The following LHFPL6 variants were observed in gnomAD, a reference collection of about 807,000 sequenced individuals.
LHFPL6 encodes the protein LHFPL tetraspan subfamily member 6.
A neutral mutation model predicts 20.6 loss-of-function variants in LHFPL6; 9 were observed. That is an observed-to-expected ratio of 0.44 (90% CI 0.26 to 0.76). The LOEUF is 0.76. Ranked by LOEUF, LHFPL6 falls within the 30% of genes least tolerant of loss-of-function variation. The pLI is 0.20. For missense variants in LHFPL6, 218 were observed against 253.5 expected, an observed-to-expected ratio of 0.86 and a Z score of 0.95; for synonymous variants, 105 against 98.7, an observed-to-expected ratio of 1.06 and a Z score of -0.38.
chr13:39,530,131 A>T (rs1870418105), intron 2 of LHFPL6, among the ~76,000 whole-genome samples: 1 of 152,014 alleles, frequency 6.6e-6, no homozygotes, highest in African/African-American at 2.4e-5. Flanking sequence ...AGAAGAGAGT[A>T]ACTAGCTGGG....
intron 2 of LHFPL6, among the ~76,000 whole-genome samples, chr13:39,454,157 A>G (rs1461008687): frequency 6.6e-6 from 1 of 152,258 alleles, no homozygotes; most frequent in Non-Finnish European, 1.5e-5. Context: ...AACTATCGGT[A>G]TAATCTTCTA....
chr13:39,460,633 T>C (rs1872667467), intron 2 of LHFPL6, among the ~76,000 whole-genome samples: 1 of 152,212 alleles, frequency 6.6e-6, no homozygotes, highest in Non-Finnish European at 1.5e-5. Context: ...GCAAACAGTG[T>C]TGGCTATTTT....
At chr13:39,502,139 T>C (rs1869313756) in intron 2 of LHFPL6, among the ~76,000 whole-genome samples, 1 of 152,204 alleles carries the variant, frequency 6.6e-6, no homozygotes, top group African/African-American at 2.4e-5. Context: ...GCTGTGTGTG[T>C]CACAGATGGT....
At chr13:39,587,194 C>T (rs559321103) in intron 2 of LHFPL6, among the ~76,000 whole-genome samples, 2 of 151,984 alleles carry the variant, frequency 1.3e-5, no homozygotes, top group East Asian at 3.9e-4. Context: ...GAACATAAAT[C>T]AGGGCCTTCA....
chr13:39,504,735 G>C (rs1279642103), intron 2 of LHFPL6, among the ~76,000 whole-genome samples: 2 of 152,294 alleles, frequency 1.3e-5, no homozygotes, highest in African/African-American at 4.8e-5. Flanking sequence ...GTCACATTCT[G>C]AGGTACTGAA....
At chr13:39,497,785 A>G (rs1566125187) in intron 2 of LHFPL6, among the ~76,000 whole-genome samples, 1 of 152,168 alleles carries the variant, frequency 6.6e-6, no homozygotes, top group African/African-American at 2.4e-5. Flanking sequence ...CTCTCTCTTT[A>G]TACTGTTGAG....
chr13:39,370,915 C>T (rs1870149784), intron 3 of LHFPL6, among the ~76,000 whole-genome samples: 1 of 152,120 alleles, frequency 6.6e-6, no homozygotes, highest in Non-Finnish European at 1.5e-5. Flanking sequence ...CATTTTTACC[C>T]AGCTGACCTA....
At chr13:39,462,718 T>C (rs1872714840) in intron 2 of LHFPL6, among the ~76,000 whole-genome samples, 1 of 152,188 alleles carries the variant, frequency 6.6e-6, no homozygotes, top group South Asian at 2.1e-4. Context: ...AAGCAGTAGA[T>C]GGCAGAGGCA....
At chr13:39,370,707 T>C (rs748339715) in intron 3 of LHFPL6, among the ~76,000 whole-genome samples, 2 of 152,180 alleles carry the variant, frequency 1.3e-5, no homozygotes, top group Non-Finnish European at 2.9e-5. Context: ...CTGCAGAAAC[T>C]GCACAGAGCT....
chr13:39,393,438 G>C (rs928089929), intron 2 of LHFPL6, among the ~76,000 whole-genome samples: 2 of 152,178 alleles, frequency 1.3e-5, no homozygotes, highest in Non-Finnish European at 2.9e-5. Context: ...TTCATTTTAG[G>C]CTGGACCTGA....
intron 3 of LHFPL6, among the ~76,000 whole-genome samples, chr13:39,369,023 C>T (rs1457417549): frequency 1.3e-5 from 2 of 149,934 alleles, no homozygotes; most frequent in Admixed American, 6.6e-5. Context: ...AGCTCAATTT[C>T]CTAAATGTCC....
intron 3 of LHFPL6, among the ~76,000 whole-genome samples, chr13:39,355,180 GC>G (rs1869691409): frequency 6.6e-6 from 1 of 151,422 alleles, no homozygotes; most frequent in East Asian, 1.9e-4. Context: ...GCCTCATCAG[GC>G]TAACAGCAGA....
At chr13:39,422,175 A>G (rs1349891650) in intron 2 of LHFPL6, among the ~76,000 whole-genome samples, 1 of 152,236 alleles carries the variant, frequency 6.6e-6, no homozygotes, top group Non-Finnish European at 1.5e-5. Context: ...AGTACCAGGA[A>G]ATGACAAGTT....
intron 2 of LHFPL6, among the ~76,000 whole-genome samples, chr13:39,396,894 A>C (rs1870855784): frequency 6.6e-6 from 1 of 152,154 alleles, no homozygotes. Flanking sequence ...GCTTTAAGTC[A>C]AGGAATGCCT....
At chr13:39,525,368 T>A (rs1022810) in intron 2 of LHFPL6, among the ~76,000 whole-genome samples, 118,053 of 152,176 alleles carry the variant, frequency 0.78, 45,890 homozygotes, top group Middle Eastern at 0.82. Context: ...AAGTTTATAC[T>A]GAAGAGATAA....
chr13:39,503,670 T>C (rs942291903), intron 2 of LHFPL6, among the ~76,000 whole-genome samples: 5 of 152,358 alleles, frequency 3.3e-5, no homozygotes, highest in African/African-American at 9.6e-5. Context: ...TTAATGAATA[T>C]AATTGAAAGA....
chr13:39,420,271 T>C (rs1321993864), intron 2 of LHFPL6, among the ~76,000 whole-genome samples: 2 of 152,228 alleles, frequency 1.3e-5, no homozygotes. Context: ...CCTTTGCCCA[T>C]CAAAATGTAA....
chr13:39,483,241 T>G (rs965951578), intron 2 of LHFPL6, among the ~76,000 whole-genome samples: 1 of 152,100 alleles, frequency 6.6e-6, no homozygotes, highest in Admixed American at 6.6e-5. Flanking sequence ...AATTTTTTTG[T>G]GGCACAGTCT....
intron 3 of LHFPL6, among the ~76,000 whole-genome samples, chr13:39,347,699 G>C (rs980946864): frequency 6.6e-6 from 1 of 152,212 alleles, no homozygotes; most frequent in African/African-American, 2.4e-5. Context: ...TAATGTGGTT[G>C]TGAGTCTTGG....
Sources: allele counts gnomAD v4.1 joint callset (sites outside exome capture counted in the v4.1 genomes callset), GRCh38; gene constraint gnomAD v4.1.1; transcripts MANE v1.5; gene names NCBI Gene and HGNC (gene_info 2026-07-23, HGNC 2026-07-21).